Variants in TACR3 observed in about 807,000 individuals in gnomAD.
TACR3 encodes the protein tachykinin receptor 3, also known as neuromedin-K receptor.
TACR3 carries 34 observed loss-of-function variants against 35.0 expected under a neutral mutation model. That is an observed-to-expected ratio of 0.97 (90% CI 0.74 to 1.30). The LOEUF is 1.30. Among genes scored for constraint, TACR3 ranks in the 50% most tolerant of loss-of-function variants. TACR3 has a pLI of 0.00. For synonymous variants in TACR3, 233 were observed against 221.1 expected (o/e 1.05, Z -0.48); for missense variants, 558 against 591.7 (o/e 0.94, Z 0.59).
intron 1 of TACR3, among the ~76,000 whole-genome samples, chr4:103,699,126 G>A (rs537103465): frequency 1.3e-5 from 2 of 152,180 alleles, no homozygotes; most frequent in East Asian, 1.9e-4. Context: ...CTATAGGGGA[G>A]AGAGGCAAAA....
intron 3 of TACR3, among the ~76,000 whole-genome samples, chr4:103,607,472 A>AAAAAGTATT (rs1233452731): frequency 6.6e-6 from 1 of 151,824 alleles, no homozygotes; most frequent in East Asian, 1.9e-4. Flanking sequence ...TAAATAAAAC[A>AAAAAGTATT]AAAATACTTT....
At chr4:103,593,528 C>G (rs1408006718) in intron 3 of TACR3, 1 of 152,118 alleles carries the variant, frequency 6.6e-6, no homozygotes, top group Non-Finnish European at 1.5e-5. Context: ...TGCCTACTAA[C>G]TGTAGGCTCA....
chr4:103,685,216 G>A (rs1378386946), intron 1 of TACR3, among the ~76,000 whole-genome samples: 1 of 151,864 alleles, frequency 6.6e-6, no homozygotes, highest in Non-Finnish European at 1.5e-5. Flanking sequence ...GTACATAAAC[G>A]TGGCCCACTG....
chr4:103,651,310 A>G (rs955804361), intron 3 of TACR3, among the ~76,000 whole-genome samples: 2 of 151,524 alleles, frequency 1.3e-5, no homozygotes, highest in Non-Finnish European at 2.9e-5. Flanking sequence ...CACAAGAATC[A>G]GTTGTTTCCC....
intron 3 of TACR3, among the ~76,000 whole-genome samples, chr4:103,625,592 T>G (rs1373115143): frequency 1.3e-5 from 2 of 150,690 alleles, no homozygotes; most frequent in African/African-American, 4.9e-5. Flanking sequence ...GGTGGGGGGT[T>G]GTAATTCTAC....
Position 103,719,744 on chromosome 4 carries a change from GTTC to G in TACR3, c.-72_-70del. 3 of 1,579,872 alleles carry G rather than the reference GTTC, an allele frequency of 1.9e-6. No homozygotes were observed. The highest frequency in any genetic ancestry group is 2.6e-6 in the Non-Finnish European group (3 of 1,165,726). On this transcript the variant is annotated 5_prime_UTR_variant, in exon 1 of 5. Transcript: ENST00000304883. ...CAGCCCAAGACGAGACTCCTCTGAAGTTCTTCTCTGCCTCCTGGTCACTTTGGT... is the reference window on the plus strand; with the variant it reads ...CAGCCCAAGACGAGACTCCTCTGAAGTTCTCTGCCTCCTGGTCACTTTGGT...
Position 103,591,623 on chromosome 4 carries a change from T to C in TACR3, c.949A>G (p.Ile317Val), listed in dbSNP as rs1723898807. Residue 317 changes from isoleucine to valine, a missense_variant, in exon 4 of 5, where the codon ATT becomes GTT. Transcript: ENST00000304883. Reference sequence around the variant, plus strand: ...TAGATTGCAGTGAGAATGAAGTAAATATGATAGGGCAGCCAGCAGATAGCA... The same window carrying C: ...TAGATTGCAGTGAGAATGAAGTAAACATGATAGGGCAGCCAGCAGATAGCA... ...TFAICWLPYHIYFILTAIYQQ... is the reference protein window; with the variant it reads ...TFAICWLPYHVYFILTAIYQQ... 6.2e-7 allele frequency: 1 copy of C among 1,613,726 alleles called. No individual in the cohort carries two copies. The highest frequency in any genetic ancestry group is 1.7e-5 in the Admixed American group (1 of 59,956).
At chr4:103,628,831 C>A (rs1560813417) in intron 3 of TACR3, among the ~76,000 whole-genome samples, 1 of 94,134 alleles carries the variant, frequency 1.1e-5, no homozygotes, top group Non-Finnish European at 2.3e-5. Context: ...CAAAGCCTGG[C>A]AGAGATAAAA....
rs1031963830 is a variant in TACR3, at chr4:103,603,432, A to G, written c.889-11749T>C. On this transcript the variant is annotated intron_variant, in intron 3 of 4. Coordinates refer to ENST00000304883, the MANE Select transcript of TACR3 (RefSeq NM_001059.3). ...ACCTACTGTCTGGCACTCCCCAGTG[A>G]GATGAACCCGGTACCTCAGTTGGAA... 2.0e-5 allele frequency among the ~76,000 whole-genome samples: 3 copies of G among 152,298 alleles called. No homozygotes were observed. The South Asian group carries it at 6.2e-4, about 32-fold the overall frequency.
At chr4:103,599,606 C>G (rs1162003675) in intron 3 of TACR3, among the ~76,000 whole-genome samples, 10 of 152,056 alleles carry the variant, frequency 6.6e-5, no homozygotes, top group African/African-American at 1.9e-4. Flanking sequence ...ATAGATAGCT[C>G]TTATTATTTT....
intron 3 of TACR3, among the ~76,000 whole-genome samples, chr4:103,647,020 T>A (rs1725476423): frequency 6.6e-6 from 1 of 151,962 alleles, no homozygotes; most frequent in African/African-American, 2.4e-5. Flanking sequence ...CTCCTTACAG[T>A]CTTCGATTTT....
chr4:103,674,110 G>A (rs1356165647), intron 1 of TACR3, among the ~76,000 whole-genome samples: 1 of 152,144 alleles, frequency 6.6e-6, no homozygotes, highest in Non-Finnish European at 1.5e-5. Flanking sequence ...TAAAGGAAGT[G>A]AAACATTTTA....
chr4:103,601,472 T>A (rs1422460118), intron 3 of TACR3, among the ~76,000 whole-genome samples: 2 of 152,190 alleles, frequency 1.3e-5, no homozygotes, highest in African/African-American at 4.8e-5. Flanking sequence ...TGCAGTTTCT[T>A]CCTAGCCTTG....
intron 3 of TACR3, among the ~76,000 whole-genome samples, chr4:103,598,935 A>T (rs961142737): frequency 3.3e-5 from 5 of 151,990 alleles, no homozygotes; most frequent in Non-Finnish European, 7.4e-5. Flanking sequence ...TTGGTGATGC[A>T]GGCTCTTTTT....
intron 3 of TACR3, among the ~76,000 whole-genome samples, chr4:103,636,933 G>C (rs1213885997): frequency 6.6e-6 from 1 of 152,100 alleles, no homozygotes; most frequent in African/African-American, 2.4e-5. Context: ...CTCTGAAATT[G>C]TGGCAATAAT....
At chr4:103,655,759 G>T (rs1011186652) in intron 3 of TACR3, among the ~76,000 whole-genome samples, 2 of 152,014 alleles carry the variant, frequency 1.3e-5, no homozygotes, top group East Asian at 1.9e-4. Flanking sequence ...AGGAAAGATA[G>T]ATGTATATTA....
chr4:103,662,031 C>T (rs755807238), intron 1 of TACR3, among the ~76,000 whole-genome samples: 2 of 152,026 alleles, frequency 1.3e-5, no homozygotes, highest in East Asian at 1.9e-4. Flanking sequence ...ACAGCTGTTA[C>T]GAAGGTAAGG....
chr4:103,607,496 TTTAAA>T (rs1280412356), intron 3 of TACR3, among the ~76,000 whole-genome samples: 1 of 151,880 alleles, frequency 6.6e-6, no homozygotes, highest in East Asian at 1.9e-4. Flanking sequence ...ATATTTTATA[TTTAAA>T]TTAAAATAAT....
At chr4:103,700,124 GATAAA>G (rs1560536727) in intron 1 of TACR3, among the ~76,000 whole-genome samples, 1 of 151,998 alleles carries the variant, frequency 6.6e-6, no homozygotes, top group Non-Finnish European at 1.5e-5. Flanking sequence ...GGTACTCCTG[GATAAA>G]CAACAAAAAA....
Sources: allele counts gnomAD v4.1 joint callset (sites outside exome capture counted in the v4.1 genomes callset), GRCh38; gene constraint gnomAD v4.1.1; transcripts MANE v1.5; gene names NCBI Gene and HGNC (gene_info 2026-07-23, HGNC 2026-07-21).